The following RAPGEF1 variants were observed in gnomAD, a reference collection of about 807,000 sequenced individuals.
RAPGEF1 encodes the protein CRK SH3-binding GNRP.
Under a neutral mutation model 143.3 loss-of-function variants are expected in RAPGEF1, and 33 were observed. That is an observed-to-expected ratio of 0.23 (90% CI 0.17 to 0.31). The LOEUF is 0.31. Among genes scored for constraint, RAPGEF1 ranks in the 10% least tolerant of loss-of-function variants. The probability of loss-of-function intolerance (pLI) is 1.00; values close to 1 mark genes in which losing one functional copy is unlikely to be tolerated. For synonymous variants in RAPGEF1, 629 were observed against 676.5 expected, an observed-to-expected ratio of 0.93 and a Z score of 1.09; for missense variants, 1,199 against 1,645.4, an observed-to-expected ratio of 0.73 and a Z score of 4.69.
intron 1 of RAPGEF1, among the ~76,000 whole-genome samples, chr9:131,691,775 T>C (rs1201205041): frequency 6.6e-6 from 1 of 152,188 alleles, no homozygotes; most frequent in African/African-American, 2.4e-5. Flanking sequence ...AGAACAAAAA[T>C]TAATTACATG....
chr9:131,737,258 G>A lies in RAPGEF1; in HGVS notation c.61+2512C>T, dbSNP rs528695797. 3.2e-5 allele frequency: 42 copies of A among 1,317,898 alleles called. No individual in the cohort carries two copies. In the Admixed American group the frequency reaches 5.6e-4, roughly 17 times the overall value. The allele number at this position is 1,317,898 out of a possible 1,614,324, so 81.6% of individuals were successfully genotyped here. On this transcript the variant is annotated intron_variant, in intron 1 of 26. Transcript: ENST00000683357. ...AATGCATCTTCCTCCCACACTTTCCGCAGCTCCTGGTCAGCCCCTTCCCCT... is the reference window on the plus strand; with the variant it reads ...AATGCATCTTCCTCCCACACTTTCCACAGCTCCTGGTCAGCCCCTTCCCCT...
intron 1 of RAPGEF1, among the ~76,000 whole-genome samples, chr9:131,697,989 CTAT>C (rs1204611244): frequency 1.3e-5 from 2 of 152,144 alleles, no homozygotes; most frequent in Non-Finnish European, 2.9e-5. Context: ...ACATGTGTGA[CTAT>C]CTGGACAGGA....
At chr9:131,738,592 C>T (rs1837564111) in intron 1 of RAPGEF1, among the ~76,000 whole-genome samples, 1 of 152,240 alleles carries the variant, frequency 6.6e-6, no homozygotes, top group South Asian at 2.1e-4. Context: ...GCTGTCTGGA[C>T]AGCCGGAACT....
At chr9:131,629,289 G>A in intron 6 of RAPGEF1, 35 bp from the exon 7 acceptor site, 1 of 1,597,824 alleles carries the variant, frequency 6.3e-7, no homozygotes, top group African/African-American at 1.3e-5. Flanking sequence ...GTTACAGAAG[G>A]TCAAAGGCGG....
At chr9:131,645,943 G>T (rs920708064) in intron 3 of RAPGEF1, among the ~76,000 whole-genome samples, 1 of 152,140 alleles carries the variant, frequency 6.6e-6, no homozygotes, top group Non-Finnish European at 1.5e-5. Context: ...TGACTGTGGG[G>T]GACTGAATGA....
intron 3 of RAPGEF1, among the ~76,000 whole-genome samples, chr9:131,644,211 C>T (rs1055845752): frequency 2.0e-5 from 3 of 152,076 alleles, no homozygotes; most frequent in East Asian, 1.9e-4. Flanking sequence ...TCTCCCTGAC[C>T]GTGGGAGGCC....
In RAPGEF1 at chr9:131,674,858, C is replaced by T. The variant is rs549443491; in HGVS notation, c.62-23909G>A. Among the ~76,000 whole-genome samples the T allele has an allele frequency of 9.2e-5, 14 of 152,246 alleles. No individual in the cohort carries two copies. In the South Asian group the frequency reaches 2.7e-3, roughly 29 times the overall value. ...CGGGGAGGGCAGACCTGAAGCATCGCTACCGAGGTCAGGGGACAAGTGCTA... is the reference window on the plus strand; with the variant it reads ...CGGGGAGGGCAGACCTGAAGCATCGTTACCGAGGTCAGGGGACAAGTGCTA... On this transcript the variant is annotated intron_variant, in intron 1 of 26. Transcript: ENST00000683357.
intron 5 of RAPGEF1, among the ~76,000 whole-genome samples, chr9:131,632,077 C>G (rs530621447): frequency 3.3e-5 from 5 of 152,020 alleles, no homozygotes; most frequent in Non-Finnish European, 7.4e-5. Context: ...TCGAGGAGCA[C>G]TGAACTGTAA....
At chr9:131,595,325 T>C (rs1955066466) in intron 17 of RAPGEF1, among the ~76,000 whole-genome samples, 1 of 152,150 alleles carries the variant, frequency 6.6e-6, no homozygotes, top group African/African-American at 2.4e-5. Flanking sequence ...TCTCTTCTTT[T>C]TCTCTAATTT....
At chr9:131,684,377 A>G (rs1024132101) in intron 1 of RAPGEF1, among the ~76,000 whole-genome samples, 1 of 152,246 alleles carries the variant, frequency 6.6e-6, no homozygotes, top group Non-Finnish European at 1.5e-5. Flanking sequence ...CTATTAAAAC[A>G]ATAATGCCCC....
chr9:131,611,782 T>C (rs1187810351), intron 12 of RAPGEF1, among the ~76,000 whole-genome samples: 1 of 152,202 alleles, frequency 6.6e-6, no homozygotes, highest in African/African-American at 2.4e-5. Context: ...GAAGGAGAAA[T>C]ACACGCCTCT....
chr9:131,659,252 G>C (rs1341021437), intron 1 of RAPGEF1, among the ~76,000 whole-genome samples: 1 of 152,178 alleles, frequency 6.6e-6, no homozygotes, highest in African/African-American at 2.4e-5. Flanking sequence ...ACTTGTCTAG[G>C]ATTTTGTGGA....
At chr9:131,609,621 A>T (rs942701936) in intron 12 of RAPGEF1, among the ~76,000 whole-genome samples, 1 of 152,202 alleles carries the variant, frequency 6.6e-6, no homozygotes, top group Non-Finnish European at 1.5e-5. Flanking sequence ...TGGAATCAGT[A>T]ACCAGCTCCT....
intron 5 of RAPGEF1, among the ~76,000 whole-genome samples, chr9:131,631,527 C>T (rs1964850184): frequency 2.6e-5 from 4 of 152,252 alleles, no homozygotes; most frequent in Admixed American, 2.6e-4. Flanking sequence ...GGACATCTGG[C>T]CTGGCCAGGG....
At chr9:131,704,550 T>C (rs749353078) in intron 1 of RAPGEF1, among the ~76,000 whole-genome samples, 15 of 152,084 alleles carry the variant, frequency 9.9e-5, no homozygotes, top group African/African-American at 4.8e-5. Context: ...TGTACAAACA[T>C]GCAAATCATT....
intron 17 of RAPGEF1, among the ~76,000 whole-genome samples, chr9:131,592,813 C>T (rs962125866): frequency 6.6e-6 from 1 of 152,134 alleles, no homozygotes; most frequent in Admixed American, 6.5e-5. Flanking sequence ...TGCAGTGGTG[C>T]GATCTTGGTT....
intron 1 of RAPGEF1, among the ~76,000 whole-genome samples, chr9:131,713,109 CA>C (rs577809804): frequency 1.3e-5 from 2 of 152,136 alleles, no homozygotes; most frequent in African/African-American, 4.8e-5. Flanking sequence ...TGGGAAGAAT[CA>C]AAAGTGAACT....
In RAPGEF1 at chr9:131,602,106, G is replaced by A. The variant is rs763331030; in HGVS notation, c.2456C>T (p.Ala819Val). ...GTCCTTCCCAGGGACGCCGCTGACC[G>A]CTGAGGGATCTCTGGGATGTCCGTC... ...GKDGHPRDPSAVSGVPGKDSR... is the reference protein window; with the variant it reads ...GKDGHPRDPSVVSGVPGKDSR... The change falls in exon 15 of 27, where the codon GCG (alanine) becomes GTG (valine). Residue 819 changes from alanine to valine, a missense_variant. Transcript: ENST00000683357. 123 of 1,603,626 alleles carry A rather than the reference G, an allele frequency of 7.7e-5. No individual in the cohort carries two copies. Among genetic ancestry groups the A allele is most frequent in the Non-Finnish European group, 8.6e-5 (101 of 1,175,778 alleles).
In RAPGEF1 at chr9:131,683,962, C is replaced by T. The variant is rs1282076857; in HGVS notation, c.62-33013G>A. Among the ~76,000 whole-genome samples, 3 of 152,242 alleles carry T rather than the reference C, an allele frequency of 2.0e-5. No homozygotes were observed. In the South Asian group the frequency reaches 6.2e-4, roughly 31 times the overall value. ...CACATTAGGGCTCGTACACTTCTTC[C>T]AGGACCTTTGACTGAAGGGAATCAA... On this transcript the variant is annotated intron_variant, in intron 1 of 26. Coordinates refer to ENST00000683357, the MANE Select transcript of RAPGEF1 (RefSeq NM_001377935.1).
Sources: allele counts gnomAD v4.1 joint callset (sites outside exome capture counted in the v4.1 genomes callset), GRCh38; gene constraint gnomAD v4.1.1; transcripts MANE v1.5; gene names NCBI Gene and HGNC (gene_info 2026-07-23, HGNC 2026-07-21).